The following CDK14 variants were observed in gnomAD, a reference collection of about 807,000 sequenced individuals.
The protein encoded by CDK14 is cyclin dependent kinase 14, also known as cyclin-dependent kinase 14.
Under a neutral mutation model 60.7 loss-of-function variants are expected in CDK14, and 34 were observed. The observed-to-expected ratio is 0.56, with a 90% confidence interval of 0.43 to 0.75. The LOEUF is 0.75. Ranked by LOEUF, CDK14 falls within the 30% of genes least tolerant of loss-of-function variation. CDK14 has a pLI of 0.00. For missense variants in CDK14, 482 were observed against 564.1 expected, an observed-to-expected ratio of 0.85 and a Z score of 1.47; for synonymous variants, 197 against 203.7, an observed-to-expected ratio of 0.97 and a Z score of 0.28.
Position 90,654,226 on chromosome 7 carries a change from C to A in CDK14, c.123+49977C>A, listed in dbSNP as rs962142967. ...ATAAGAAATAGCTAAAGCATGGTCC[C>A]TACCCTGAGGAATTTATAATAAAGG... is the stretch of plus-strand genomic sequence containing the variant. On this transcript the variant is annotated intron_variant, in intron 2 of 14. Coordinates refer to ENST00000380050, the MANE Select transcript of CDK14 (RefSeq NM_001287135.2). 6.2e-4 allele frequency among the ~76,000 whole-genome samples: 94 copies of A among 152,036 alleles called. 3 individuals carry two copies. The highest frequency in any genetic ancestry group is 2.4e-4 in the Non-Finnish European group (16 of 68,014).
At chr7:90,673,459 C>T (rs1273596175) in intron 2 of CDK14, among the ~76,000 whole-genome samples, 4 of 139,872 alleles carry the variant, frequency 2.9e-5, no homozygotes, top group African/African-American at 1.0e-4. Context: ...AGTGCTGTGG[C>T]ACAATCACAG....
intron 5 of CDK14, among the ~76,000 whole-genome samples, chr7:90,850,301 T>C (rs1790607421): frequency 6.6e-6 from 1 of 152,192 alleles, no homozygotes; most frequent in Admixed American, 6.5e-5. Context: ...TGATTTTATT[T>C]TTCTTGTTCA....
chr7:90,770,914 C>T (rs781586516), intron 4 of CDK14, among the ~76,000 whole-genome samples: 9 of 152,154 alleles, frequency 5.9e-5, no homozygotes, highest in Non-Finnish European at 8.8e-5. Context: ...TCACCCTTGG[C>T]CCCCATCCTT....
intron 6 of CDK14, among the ~76,000 whole-genome samples, chr7:90,897,626 T>A (rs1214952188): frequency 1.3e-5 from 2 of 152,054 alleles, no homozygotes; most frequent in East Asian, 3.9e-4. Context: ...GAGGATGGTG[T>A]TATCCTTATT....
chr7:91,175,706 CAAAG>C (rs1458291661), intron 14 of CDK14, among the ~76,000 whole-genome samples: 3 of 150,096 alleles, frequency 2.0e-5, no homozygotes, highest in Non-Finnish European at 4.5e-5. Context: ...TCAAAAGAGA[CAAAG>C]AAGGCCATTA....
At chr7:90,831,848 C>A (rs948222487) in intron 5 of CDK14, among the ~76,000 whole-genome samples, 1 of 151,968 alleles carries the variant, frequency 6.6e-6, no homozygotes, top group Non-Finnish European at 1.5e-5. Flanking sequence ...TTGTCCTCAA[C>A]CTCATGTCCC....
intron 8 of CDK14, among the ~76,000 whole-genome samples, chr7:90,925,662 G>A (rs1187914053): frequency 6.6e-6 from 1 of 152,174 alleles, no homozygotes; most frequent in Non-Finnish European, 1.5e-5. Flanking sequence ...GGGAGTCCAA[G>A]TCTAGCCTGA....
intron 4 of CDK14, among the ~76,000 whole-genome samples, chr7:90,766,625 C>T (rs1804573973): frequency 6.6e-6 from 1 of 152,140 alleles, no homozygotes; most frequent in African/African-American, 2.4e-5. Context: ...TCAAAATCTG[C>T]TTTCTTGAAA....
intron 2 of CDK14, among the ~76,000 whole-genome samples, chr7:90,700,093 T>G (rs1488120404): frequency 1.3e-5 from 2 of 152,126 alleles, no homozygotes; most frequent in Non-Finnish European, 2.9e-5. Context: ...AAAGTTTGGT[T>G]GTCTGTGTCC....
At chr7:90,621,658 T>TTCCC (rs199764324) in intron 2 of CDK14, among the ~76,000 whole-genome samples, 4 of 151,098 alleles carry the variant, frequency 2.6e-5, no homozygotes, top group African/African-American at 9.8e-5. Context: ...CCTTCCTTCC[T>TTCCC]TCCTTCCTTC....
At chr7:91,140,702 G>A (rs142603504) in intron 14 of CDK14, among the ~76,000 whole-genome samples, 411 of 152,238 alleles carry the variant, frequency 2.7e-3, no homozygotes, top group Non-Finnish European at 4.5e-3. Flanking sequence ...TATAAATCAG[G>A]AGTAGGAATG....
At chr7:90,899,072 A>C (rs1016171141) in intron 6 of CDK14, among the ~76,000 whole-genome samples, 1 of 151,870 alleles carries the variant, frequency 6.6e-6, no homozygotes, top group African/African-American at 2.4e-5. Context: ...ATATATAGAA[A>C]TATTTAACAT....
chr7:91,053,396 T>C (rs1234958084), intron 11 of CDK14, among the ~76,000 whole-genome samples: 1 of 152,044 alleles, frequency 6.6e-6, no homozygotes, highest in African/African-American at 2.4e-5. Flanking sequence ...TGCCTCCTCC[T>C]CTCTTTAAGA....
chr7:90,750,646 G>A (rs573193375), intron 4 of CDK14, among the ~76,000 whole-genome samples: 1 of 152,196 alleles, frequency 6.6e-6, no homozygotes, highest in Non-Finnish European at 1.5e-5. Context: ...GCCAAGGCGA[G>A]CGGATCATCT....
chr7:90,734,755 C>T (rs1179389371), intron 3 of CDK14, among the ~76,000 whole-genome samples: 1 of 152,092 alleles, frequency 6.6e-6, no homozygotes, highest in African/African-American at 2.4e-5. Flanking sequence ...TGGGTTAAAA[C>T]ACGCTCCTTT....
At chr7:91,150,999 G>C (rs56238960) in intron 14 of CDK14, among the ~76,000 whole-genome samples, 4 of 152,144 alleles carry the variant, frequency 2.6e-5, no homozygotes, top group Admixed American at 1.3e-4. Context: ...TTTGTGTGAA[G>C]AACTCTGCTG....
intron 11 of CDK14, among the ~76,000 whole-genome samples, chr7:91,056,366 C>A (rs993384637): frequency 6.7e-6 from 1 of 149,704 alleles, no homozygotes; most frequent in Non-Finnish European, 1.5e-5. Context: ...GCATGGTGTT[C>A]GGTAATCTGA....
At chr7:90,980,386 A>T (rs3808272) in intron 9 of CDK14, among the ~76,000 whole-genome samples, 1 of 152,212 alleles carries the variant, frequency 6.6e-6, no homozygotes, top group South Asian at 2.1e-4. Context: ...ATAAGATTAT[A>T]TATCATAAAT....
intron 2 of CDK14, among the ~76,000 whole-genome samples, chr7:90,720,251 T>C (rs1246398834): frequency 1.3e-5 from 2 of 152,164 alleles, no homozygotes; most frequent in South Asian, 4.1e-4. Flanking sequence ...AAAGGATTGG[T>C]CCGAGTGGGT....
Sources: gnomAD v4.1 joint callset for allele counts (sites outside exome capture counted in the v4.1 genomes callset) on GRCh38, gnomAD v4.1.1 for gene constraint, MANE v1.5 for transcripts, NCBI Gene and HGNC (gene_info 2026-07-23, HGNC 2026-07-21) for gene names.